HYCC1: variants seen among roughly 807,000 people sequenced by gnomAD.
The protein encoded by HYCC1 is hyccin.
chr7:22,939,327 G>C, the HYCC1 span: 2 of 152,116 alleles, frequency 1.3e-5, no homozygotes. Context: ...AAGTCTGATA[G>C]ATCCTGTTGA....
chr7:22,910,408 A>G, the HYCC1 span, among the ~76,000 whole-genome samples: 1 of 152,216 alleles, frequency 6.6e-6, no homozygotes, highest in Non-Finnish European at 1.5e-5. Flanking sequence ...AGGCCTCACC[A>G]GAAGCCAAGC....
the HYCC1 span, among the ~76,000 whole-genome samples, chr7:22,931,757 A>G: frequency 1.3e-5 from 2 of 152,194 alleles, no homozygotes; most frequent in Non-Finnish European, 2.9e-5. Context: ...ACATGATTAA[A>G]AAACTGGAGG....
At chr7:22,905,285 A>G in the HYCC1 span, among the ~76,000 whole-genome samples, 2 of 151,020 alleles carry the variant, frequency 1.3e-5, no homozygotes. Flanking sequence ...GCTCACTGCA[A>G]CCTCCACCTC....
At chr7:22,926,574 A>C in the HYCC1 span, among the ~76,000 whole-genome samples, 1 of 152,232 alleles carries the variant, frequency 6.6e-6, no homozygotes, top group African/African-American at 2.4e-5. Flanking sequence ...CAAAGATCAA[A>C]AGAAACAAAG....
At chr7:22,968,489 A>T in the HYCC1 span, among the ~76,000 whole-genome samples, 1 of 152,234 alleles carries the variant, frequency 6.6e-6, no homozygotes, top group Non-Finnish European at 1.5e-5. Flanking sequence ...TATGTGAGAG[A>T]GAAATAAATA....
chr7:22,984,696 T>C, the HYCC1 span, among the ~76,000 whole-genome samples: 1 of 152,184 alleles, frequency 6.6e-6, no homozygotes, highest in Non-Finnish European at 1.5e-5. Flanking sequence ...CACTCCAGCC[T>C]GGGTAACAGA....
chr7:22,977,400 G>A, the HYCC1 span: 6 of 1,585,538 alleles, frequency 3.8e-6, no homozygotes, highest in Admixed American at 8.4e-5. Context: ...ACTTTGGTAT[G>A]TCCCTGTTTG....
At chr7:22,903,041 T>C in the HYCC1 span, among the ~76,000 whole-genome samples, 1 of 152,062 alleles carries the variant, frequency 6.6e-6, no homozygotes, top group Non-Finnish European at 1.5e-5. Context: ...CATACTAGAA[T>C]AGCTAGAATA....
chr7:22,899,378 A>G, the HYCC1 span, among the ~76,000 whole-genome samples: 5 of 152,106 alleles, frequency 3.3e-5, no homozygotes, highest in Non-Finnish European at 7.4e-5. Flanking sequence ...AATGGAAGAA[A>G]TTTCCTCCAC....
the HYCC1 span, among the ~76,000 whole-genome samples, chr7:22,928,545 GACAA>G: frequency 3.3e-5 from 5 of 152,174 alleles, no homozygotes; most frequent in Non-Finnish European, 7.4e-5. Flanking sequence ...ACCAATAACA[GACAA>G]ACAGAGAGCC....
At chr7:23,007,065 C>G in the HYCC1 span, among the ~76,000 whole-genome samples, 2 of 152,132 alleles carry the variant, frequency 1.3e-5, no homozygotes, top group Non-Finnish European at 2.9e-5. Flanking sequence ...TTCCCCCACC[C>G]TATCCCACCT....
the HYCC1 span, chr7:22,945,706 A>G: frequency 2.5e-6 from 4 of 1,613,856 alleles, no homozygotes; most frequent in African/African-American, 2.7e-5. Context: ...GGAGACTACA[A>G]GCGGAAAACC....
the HYCC1 span, chr7:22,941,407 C>G: frequency 6.6e-6 from 1 of 151,960 alleles, no homozygotes; most frequent in African/African-American, 2.4e-5. Flanking sequence ...AGGGAACACA[C>G]AAAAATAGCC....
At chr7:22,952,619 C>T in the HYCC1 span, among the ~76,000 whole-genome samples, 1 of 151,950 alleles carries the variant, frequency 6.6e-6, no homozygotes, top group Non-Finnish European at 1.5e-5. Context: ...TGGCCAGTGA[C>T]AGCTACATGA....
At chr7:22,968,933 C>T in the HYCC1 span, among the ~76,000 whole-genome samples, 1 of 152,018 alleles carries the variant, frequency 6.6e-6, no homozygotes, top group Non-Finnish European at 1.5e-5. Context: ...TTGCAATGAG[C>T]TGGGATCACG....
the HYCC1 span, among the ~76,000 whole-genome samples, chr7:22,963,257 T>C: frequency 6.6e-6 from 1 of 152,236 alleles, no homozygotes; most frequent in Non-Finnish European, 1.5e-5. Flanking sequence ...AATGTTGAAG[T>C]TATTTGGGAA....
the HYCC1 span, among the ~76,000 whole-genome samples, chr7:22,907,202 G>A: frequency 6.7e-6 from 1 of 149,946 alleles, no homozygotes; most frequent in East Asian, 2.0e-4. Context: ...AAAGAATAAC[G>A]GTATCTAGGA....
At chr7:22,951,409 T>C in the HYCC1 span, among the ~76,000 whole-genome samples, 3 of 151,936 alleles carry the variant, frequency 2.0e-5, no homozygotes, top group African/African-American at 7.2e-5. Context: ...AACTTATTTG[T>C]GAAAATAATA....
At chr7:22,942,658 C>T in the HYCC1 span, 1 of 152,024 alleles carries the variant, frequency 6.6e-6, no homozygotes, top group Non-Finnish European at 1.5e-5. Flanking sequence ...TGCAAGACCC[C>T]AATTTTGTGT....
Sources: gnomAD v4.1 joint callset for allele counts (sites outside exome capture counted in the v4.1 genomes callset) on GRCh38, gnomAD v4.1.1 for gene constraint, MANE v1.5 for transcripts, NCBI Gene and HGNC (gene_info 2026-07-23, HGNC 2026-07-21) for gene names.